Variants in TSNARE1 observed in about 807,000 individuals in gnomAD.
The protein encoded by TSNARE1 is t-SNARE domain-containing protein 1.
A neutral mutation model predicts 62.0 loss-of-function variants in TSNARE1; 49 were observed. The ratio of observed to expected loss-of-function variants is 0.79; its 90% CI spans 0.63 to 1.00. TSNARE1 has a LOEUF of 1.00. Ranked by LOEUF, TSNARE1 falls within the 50% of genes least tolerant of loss-of-function variation. The pLI, the probability that TSNARE1 is intolerant of heterozygous loss-of-function variation, is 0.00. For synonymous variants in TSNARE1, 328 were observed against 294.4 expected (o/e 1.11, Z -1.17); for missense variants, 755 against 700.1 (o/e 1.08, Z -0.88).
chr8:142,308,155 GT>G (rs1328886001), intron 9 of TSNARE1, among the ~76,000 whole-genome samples: 1 of 152,180 alleles, frequency 6.6e-6, no homozygotes, highest in Non-Finnish European at 1.5e-5. Context: ...TTTCACACGT[GT>G]TGTACAAACG....
intron 1 of TSNARE1, among the ~76,000 whole-genome samples, chr8:142,369,130 G>A (rs1835757684): frequency 6.6e-6 from 1 of 152,210 alleles, no homozygotes; most frequent in Non-Finnish European, 1.5e-5. Context: ...TGCTGCAGGA[G>A]GGGAAACAGT....
At chr8:142,237,160 G>A (rs117972761) in intron 12 of TSNARE1, among the ~76,000 whole-genome samples, 1 of 107,744 alleles carries the variant, frequency 9.3e-6, no homozygotes, top group Non-Finnish European at 1.9e-5. Flanking sequence ...CCCCTCCTGC[G>A]GCCCGACTCA....
intron 1 of TSNARE1, among the ~76,000 whole-genome samples, chr8:142,373,699 G>A (rs571962108): frequency 2.3e-4 from 34 of 150,722 alleles, no homozygotes; most frequent in African/African-American, 5.8e-4. Flanking sequence ...AGGAAGGGCC[G>A]AGCACAGAAA....
At chr8:142,330,686 G>A (rs552356623) in intron 6 of TSNARE1, among the ~76,000 whole-genome samples, 1 of 152,346 alleles carries the variant, frequency 6.6e-6, no homozygotes, top group South Asian at 2.1e-4. Context: ...CCCTGTGGAG[G>A]GCACCTGCAG....
intron 12 of TSNARE1, among the ~76,000 whole-genome samples, chr8:142,256,091 CTGTCAG>C (rs1563782076): frequency 1.6e-4 from 9 of 57,896 alleles, no homozygotes; most frequent in Admixed American, 4.8e-4. Flanking sequence ...ACCACCACCA[CTGTCAG>C]CATCACCACC....
At chr8:142,258,423 C>T (rs933543223) in intron 12 of TSNARE1, among the ~76,000 whole-genome samples, 4 of 152,030 alleles carry the variant, frequency 2.6e-5, no homozygotes, top group Non-Finnish European at 5.9e-5. Flanking sequence ...TCTCTTCGCC[C>T]CCTGGGCCTT....
At chr8:142,399,780 C>G (rs1433035216) in intron 1 of TSNARE1, among the ~76,000 whole-genome samples, 2 of 152,204 alleles carry the variant, frequency 1.3e-5, no homozygotes, top group South Asian at 2.1e-4. Context: ...ATGCACAAAT[C>G]AGACTTTAAA....
chr8:142,222,254 C>T (rs1456096869), intron 13 of TSNARE1, among the ~76,000 whole-genome samples: 2 of 14,512 alleles, frequency 1.4e-4, no homozygotes, highest in Non-Finnish European at 1.9e-4. Flanking sequence ...ACTCACTCAT[C>T]CACTCATCCA....
Position 142,355,232 on chromosome 8 carries a change from G to A in TSNARE1, c.-39-469C>T, listed in dbSNP as rs115477318. On this transcript the variant is annotated intron_variant, in intron 1 of 13. Coordinates refer to ENST00000524325, the MANE Select transcript of TSNARE1 (RefSeq NM_145003.5). ...ATCTCTAGCTCCATCGTCTTGAGCCGCACTCCACGGTAGTGGGGCTGGGTC... is the reference window on the plus strand; with the variant it reads ...ATCTCTAGCTCCATCGTCTTGAGCCACACTCCACGGTAGTGGGGCTGGGTC... Among the ~76,000 whole-genome samples the A allele has an allele frequency of 6.0e-3, 912 of 152,298 alleles. 9 individuals are homozygous for A. The highest frequency in any genetic ancestry group is 0.021 in the African/African-American group (855 of 41,548).
intron 13 of TSNARE1, among the ~76,000 whole-genome samples, chr8:142,214,253 C>T (rs893635733): frequency 2.0e-5 from 3 of 152,200 alleles, no homozygotes; most frequent in Non-Finnish European, 2.9e-5. Flanking sequence ...AGACCCCGCT[C>T]CCCACCCACA....
At chr8:142,382,071 C>A (rs968985065) in intron 1 of TSNARE1, among the ~76,000 whole-genome samples, 1 of 152,320 alleles carries the variant, frequency 6.6e-6, no homozygotes, top group East Asian at 1.9e-4. Flanking sequence ...CGCGCCCCTG[C>A]CAGCATCAGC....
chr8:142,333,356 G>A (rs1321455911), intron 4 of TSNARE1, among the ~76,000 whole-genome samples: 1 of 152,226 alleles, frequency 6.6e-6, no homozygotes, highest in Non-Finnish European at 1.5e-5. Context: ...CTCGCATTCA[G>A]GTGGCAGCTA....
At chr8:142,272,258 G>A (rs1404104180) in intron 12 of TSNARE1, among the ~76,000 whole-genome samples, 9 of 148,950 alleles carry the variant, frequency 6.0e-5, no homozygotes, top group African/African-American at 7.5e-5. Flanking sequence ...CCACCTGCCC[G>A]TCTACACCTT....
At chr8:142,281,232 C>G (rs2130792971) in intron 11 of TSNARE1, among the ~76,000 whole-genome samples, 2 of 152,202 alleles carry the variant, frequency 1.3e-5, no homozygotes, top group East Asian at 3.9e-4. Context: ...CCGTGGGCAC[C>G]AGGGGCAGCC....
At chr8:142,223,070 G>A (rs111215915) in intron 13 of TSNARE1, among the ~76,000 whole-genome samples, 70,330 of 80,684 alleles carry the variant, frequency 0.87, 30,940 homozygotes, top group Non-Finnish European at 0.9. Flanking sequence ...TCACTTACTC[G>A]CTCATACTCA....
At chr8:142,282,406 T>G (rs1328860936) in intron 11 of TSNARE1, among the ~76,000 whole-genome samples, 2 of 148,822 alleles carry the variant, frequency 1.3e-5, no homozygotes, top group African/African-American at 4.8e-5. Context: ...ATGATCAGGG[T>G]GGGGCCAGTG....
intron 1 of TSNARE1, among the ~76,000 whole-genome samples, chr8:142,362,822 G>A (rs1835261878): frequency 6.6e-6 from 1 of 152,204 alleles, no homozygotes; most frequent in Non-Finnish European, 1.5e-5. Context: ...AGCCTGCTGT[G>A]TCCCAGCAAG....
intron 2 of TSNARE1, among the ~76,000 whole-genome samples, chr8:142,354,067 G>T (rs1038888687): frequency 2.0e-5 from 3 of 152,156 alleles, no homozygotes; most frequent in Admixed American, 1.3e-4. Flanking sequence ...GAGCAGGAGC[G>T]GGGGGTTACC....
chr8:142,212,855 C>T (rs1212764303), intron 13 of TSNARE1, among the ~76,000 whole-genome samples: 1 of 136,694 alleles, frequency 7.3e-6, no homozygotes, highest in African/African-American at 2.8e-5. Context: ...CTCTTCCCTC[C>T]CTCCCCGCCT....
Sources: allele counts gnomAD v4.1 joint callset (sites outside exome capture counted in the v4.1 genomes callset), GRCh38; gene constraint gnomAD v4.1.1; transcripts MANE v1.5; gene names NCBI Gene and HGNC (gene_info 2026-07-23, HGNC 2026-07-21).